The following LEUTX variants were observed in gnomAD, a reference collection of about 807,000 sequenced individuals.
LEUTX encodes paired-like homeodomain transcription factor LEUTX.
In LEUTX, 5 loss-of-function variants were observed where a neutral mutation model predicts 4.5. That is an observed-to-expected ratio of 1.11 (90% CI 0.58 to 2.34). LEUTX has a LOEUF of 2.34. Among genes scored for constraint, LEUTX ranks in the 30% most tolerant of loss-of-function variants. The pLI is 0.01. For synonymous variants in LEUTX, 89 were observed against 85.1 expected (o/e 1.05, Z -0.25); for missense variants, 233 against 239.4 (o/e 0.97, Z 0.18).
Position 39,786,230 on chromosome 19 carries a change from C to A in LEUTX, c.*95C>A. Reference sequence around the variant, plus strand: ...TGGTTTGACCCCAGTCTAAGTAGATCAGGGGCTGGGAATTTATCTTTTTCT... The same window carrying A: ...TGGTTTGACCCCAGTCTAAGTAGATAAGGGGCTGGGAATTTATCTTTTTCT... On this transcript the variant is annotated 3_prime_UTR_variant, in exon 3 of 3. Transcript: ENST00000638280. 2.2e-6 allele frequency: 2 copies of A among 907,782 alleles called. No homozygotes were observed. The highest frequency in any genetic ancestry group is 3.2e-6 in the Non-Finnish European group (2 of 629,924). 56.2% of individuals were successfully genotyped at this position (907,782 alleles called of 1,614,324 possible). A position where few individuals can be genotyped will look rare whatever the true frequency, so the allele number is the denominator to read the frequency against.
rs1967945969 is a variant in LEUTX, at chr19:39,785,112, C to G, written c.159+434C>G. Among the ~76,000 whole-genome samples, 3 of 152,132 alleles carry G rather than the reference C, an allele frequency of 2.0e-5. No homozygotes were observed. The South Asian group carries it at 6.2e-4, about 31-fold the overall frequency. ...GGATGAACCCTAAAGATGACCCAAGCTAAACTCTCACCCCATACTCTGACT... is the reference window on the plus strand; with the variant it reads ...GGATGAACCCTAAAGATGACCCAAGGTAAACTCTCACCCCATACTCTGACT... On this transcript the variant is annotated intron_variant, in intron 2 of 2. Transcript: ENST00000638280.
intron 1 of LEUTX, among the ~76,000 whole-genome samples, chr19:39,782,877 A>T (rs796089095): frequency 3.3e-5 from 5 of 151,810 alleles, no homozygotes; most frequent in African/African-American, 4.9e-5. Context: ...AAACATTTTT[A>T]AATTTTTTTT....
intron 1 of LEUTX, among the ~76,000 whole-genome samples, chr19:39,780,756 C>G (rs1039191650): frequency 6.6e-6 from 1 of 152,060 alleles, no homozygotes; most frequent in South Asian, 2.1e-4. Context: ...TTTGTCTTAT[C>G]AGATTTTCCT....
At position 39,780,466 on chromosome 19, in the gene LEUTX, T is replaced by C. The variant is rs377556705; in HGVS notation, c.7+1539T>C. Among the ~76,000 whole-genome samples, 383 of 152,324 alleles carry C rather than the reference T, an allele frequency of 2.5e-3. 3 individuals carry two copies. Among genetic ancestry groups the C allele is most frequent in the African/African-American group, 8.5e-3 (355 of 41,580 alleles). On this transcript the variant is annotated intron_variant, in intron 1 of 2. Coordinates refer to ENST00000638280, the MANE Select transcript of LEUTX (RefSeq NM_001382345.1). ...TTTATTGTGCTCATCGTGGAATGTC[T>C]TCATTCTGGAAACCCCTGTGCCTCA...
chr19:39,781,917 T>C (rs1444860382), intron 1 of LEUTX, among the ~76,000 whole-genome samples: 1 of 152,220 alleles, frequency 6.6e-6, no homozygotes, highest in African/African-American at 2.4e-5. Context: ...TGGGACCATG[T>C]TATTGTTAAA....
upstream of LEUTX, chr19:39,776,525 A>G: frequency 2.3e-6 from 1 of 443,370 alleles, no homozygotes; most frequent in Non-Finnish European, 4.5e-6. Context: ...ATGAGAAAGT[A>G]GGGAATGAGG....
chr19:39,781,253 G>A (rs762232696), intron 1 of LEUTX, among the ~76,000 whole-genome samples: 17 of 152,140 alleles, frequency 1.1e-4, no homozygotes, highest in Admixed American at 1.0e-3. Context: ...TTCACTGTGC[G>A]ATAATTGGGC....
At chr19:39,782,716 T>C (rs1967904312) in intron 1 of LEUTX, among the ~76,000 whole-genome samples, 1 of 152,080 alleles carries the variant, frequency 6.6e-6, no homozygotes. Context: ...TCAGTGGAAG[T>C]TGGCACTGAT....
At chr19:39,785,609 C>T (rs1967954544) in intron 2 of LEUTX, 89 bp from the exon 3 acceptor site, 1 of 990,968 alleles carries the variant, frequency 1.0e-6, no homozygotes, top group African/African-American at 1.6e-5. Context: ...GACTCTCTCT[C>T]ACACCAAAAA....
chr19:39,785,214 G>A (rs1023807063), intron 2 of LEUTX, among the ~76,000 whole-genome samples: 1 of 152,184 alleles, frequency 6.6e-6, no homozygotes, highest in Non-Finnish European at 1.5e-5. Flanking sequence ...GGAGGCAGGA[G>A]GATCGCTTAA....
Position 39,782,388 on chromosome 19 carries a change from T to C in LEUTX, c.8-2139T>C, listed in dbSNP as rs575667988. ...TGATGGTTTTATAAGAGGTTTCCCC[T>C]TTTGCTTAGGTCTCATTCCCTCTCT... is the stretch of plus-strand genomic sequence containing the variant. On this transcript the variant is annotated intron_variant, in intron 1 of 2. Coordinates refer to ENST00000638280, the MANE Select transcript of LEUTX (RefSeq NM_001382345.1). Among the ~76,000 whole-genome samples the C allele has an allele frequency of 3.7e-4, 56 of 152,224 alleles. No homozygotes were observed. The South Asian group carries it at 9.5e-3, about 26-fold the overall frequency.
At chr19:39,783,245 TTTATATATATATAAA>T (rs561804743) in intron 1 of LEUTX, among the ~76,000 whole-genome samples, 69 of 147,208 alleles carry the variant, frequency 4.7e-4, no homozygotes, top group African/African-American at 1.0e-3. Context: ...CATCATATAA[TTTATATATATATAAA>T]TTATATATAT....
At chr19:39,785,640 G>A (rs1967955311) in intron 2 of LEUTX, 58 bp from the exon 3 acceptor site, 1 of 1,341,368 alleles carries the variant, frequency 7.5e-7, no homozygotes, top group Non-Finnish European at 1.0e-6. Context: ...TGAGGAACAT[G>A]AGGATGCCCC....
intron 1 of LEUTX, among the ~76,000 whole-genome samples, chr19:39,781,947 T>A (rs1282379550): frequency 6.6e-6 from 1 of 152,182 alleles, no homozygotes; most frequent in Non-Finnish European, 1.5e-5. Flanking sequence ...GCAAACAGTA[T>A]AAGTGTACTG....
chr19:39,777,946 G>A (rs1967822179), upstream of LEUTX, among the ~76,000 whole-genome samples: 1 of 152,150 alleles, frequency 6.6e-6, no homozygotes, highest in Non-Finnish European at 1.5e-5. Context: ...GGAGGTTGCG[G>A]GAGAGGACAG....
upstream of LEUTX, among the ~76,000 whole-genome samples, chr19:39,778,723 G>A (rs1414742323): frequency 2.0e-5 from 3 of 147,568 alleles, no homozygotes; most frequent in Non-Finnish European, 3.0e-5. Flanking sequence ...ACAGCATCAG[G>A]CATATAATAG....
chr19:39,784,170 C>T (rs1967929079), intron 1 of LEUTX, among the ~76,000 whole-genome samples: 1 of 151,148 alleles, frequency 6.6e-6, no homozygotes, highest in African/African-American at 2.4e-5. Context: ...TTTCTTGTAT[C>T]TTTTTTTTTA....
At position 39,780,515 on chromosome 19, in the gene LEUTX, T is replaced by A. The variant is rs188391545; in HGVS notation, c.7+1588T>A. ...CATCTCTCAAATCTTGAATTTTTTT[T>A]AATAAATACTTTCATGATACTCTCT... is the stretch of plus-strand genomic sequence containing the variant. On this transcript the variant is annotated intron_variant, in intron 1 of 2. Transcript: ENST00000638280. 1.7e-3 allele frequency among the ~76,000 whole-genome samples: 266 copies of A among 152,328 alleles called. 3 individuals carry two copies. The highest frequency in any genetic ancestry group is 6.2e-3 in the African/African-American group (258 of 41,574).
At chr19:39,780,507 A>C (rs1967869570) in intron 1 of LEUTX, among the ~76,000 whole-genome samples, 1 of 152,018 alleles carries the variant, frequency 6.6e-6, no homozygotes, top group African/African-American at 2.4e-5. Context: ...CAAATCTTGA[A>C]TTTTTTTTAA....
Sources: gnomAD v4.1 joint callset for allele counts (sites outside exome capture counted in the v4.1 genomes callset) on GRCh38, gnomAD v4.1.1 for gene constraint, MANE v1.5 for transcripts, NCBI Gene and HGNC (gene_info 2026-07-23, HGNC 2026-07-21) for gene names.